The following LINGO2 variants were observed in gnomAD, a reference collection of about 807,000 sequenced individuals.
LINGO2 encodes the protein leucine rich repeat and Ig domain containing 2, also known as leucine-rich repeat and immunoglobulin-like domain-containing nogo receptor-interacting protein 2.
In LINGO2, 14 loss-of-function variants were observed where a neutral mutation model predicts 30.6. The observed-to-expected ratio is 0.46, with a 90% CI of 0.30 to 0.72. The LOEUF is 0.72. Ranked by LOEUF, LINGO2 falls within the 30% of genes least tolerant of loss-of-function variation. The pLI, the probability that LINGO2 is intolerant of heterozygous loss-of-function variation, is 0.07. For missense variants in LINGO2, 729 were observed against 751.7 expected (o/e 0.97, Z 0.35); for synonymous variants, 317 against 288.5 (o/e 1.10, Z -1.00).
chr9:28,642,650 G>T (rs1341350688), intron 1 of LINGO2, among the ~76,000 whole-genome samples: 1 of 152,050 alleles, frequency 6.6e-6, no homozygotes, highest in African/African-American at 2.4e-5. Flanking sequence ...AAAATGCATT[G>T]TGGAATGGGA....
intron 4 of LINGO2, among the ~76,000 whole-genome samples, chr9:28,286,655 T>C (rs1259400080): frequency 1.3e-5 from 2 of 152,206 alleles, no homozygotes; most frequent in Non-Finnish European, 2.9e-5. Context: ...TCATGTTCTT[T>C]GCAGGGACAT....
At chr9:29,066,316 C>A in the LINGO2 span, among the ~76,000 whole-genome samples, 583 of 151,928 alleles carry the variant, frequency 3.8e-3, 2 homozygotes, top group African/African-American at 0.013. Flanking sequence ...AAATTCTATT[C>A]CCTGTACTAA....
At chr9:29,110,750 G>T in the LINGO2 span, among the ~76,000 whole-genome samples, 1 of 146,850 alleles carries the variant, frequency 6.8e-6, no homozygotes, top group Non-Finnish European at 1.5e-5. Context: ...GAGTGCAGTG[G>T]TGCGATCTCG....
At chr9:28,615,477 T>C (rs1161250658) in intron 1 of LINGO2, among the ~76,000 whole-genome samples, 1 of 152,092 alleles carries the variant, frequency 6.6e-6, no homozygotes, top group Non-Finnish European at 1.5e-5. Context: ...GCCTGCACAT[T>C]CCCTGACACA....
At chr9:28,031,916 G>T (rs942599436) in intron 4 of LINGO2, among the ~76,000 whole-genome samples, 1 of 151,954 alleles carries the variant, frequency 6.6e-6, no homozygotes, top group Admixed American at 6.6e-5. Context: ...TCAATCTGGT[G>T]TATTATTGTG....
At chr9:28,343,768 A>G (rs1185945709) in intron 3 of LINGO2, among the ~76,000 whole-genome samples, 52 of 152,282 alleles carry the variant, frequency 3.4e-4, no homozygotes, top group Admixed American at 3.4e-3. Context: ...TTTCTATAGG[A>G]CACATATGAA....
intron 4 of LINGO2, among the ~76,000 whole-genome samples, chr9:28,258,179 A>T (rs2134034350): frequency 6.6e-6 from 1 of 152,022 alleles, no homozygotes; most frequent in South Asian, 2.1e-4. Context: ...GTTCATTTTA[A>T]ACCACTTCAC....
chr9:28,252,366 C>T (rs1309100127), intron 4 of LINGO2, among the ~76,000 whole-genome samples: 1 of 152,038 alleles, frequency 6.6e-6, no homozygotes, highest in Non-Finnish European at 1.5e-5. Context: ...GCTGGGACTA[C>T]AGGCACGCAT....
At chr9:28,128,389 A>G (rs1379133810) in intron 4 of LINGO2, among the ~76,000 whole-genome samples, 1 of 152,210 alleles carries the variant, frequency 6.6e-6, no homozygotes, top group East Asian at 1.9e-4. Context: ...TGTCATGAAA[A>G]GGCCAAACAG....
chr9:27,996,407 G>A (rs1420036402), intron 5 of LINGO2, among the ~76,000 whole-genome samples: 1 of 151,962 alleles, frequency 6.6e-6, no homozygotes, highest in Non-Finnish European at 1.5e-5. Context: ...TGGACAAATA[G>A]GTAAAAAATG....
At chr9:28,080,282 A>G (rs1481262795) in intron 4 of LINGO2, among the ~76,000 whole-genome samples, 1 of 152,172 alleles carries the variant, frequency 6.6e-6, no homozygotes, top group East Asian at 1.9e-4. Context: ...ACCATGGCAT[A>G]TGACCTCCTA....
intron 1 of LINGO2, among the ~76,000 whole-genome samples, chr9:28,479,397 G>T (rs1471598557): frequency 6.6e-6 from 1 of 151,702 alleles, no homozygotes; most frequent in Non-Finnish European, 1.5e-5. Flanking sequence ...CTTTATTAAA[G>T]GACAATATGC....
chr9:28,465,027 C>T (rs1825239862), intron 2 of LINGO2, among the ~76,000 whole-genome samples: 2 of 152,180 alleles, frequency 1.3e-5, no homozygotes, highest in Non-Finnish European at 2.9e-5. Context: ...CCCCCCGCCC[C>T]ACATACAGGC....
chr9:28,714,848 T>C, the LINGO2 span, among the ~76,000 whole-genome samples: 1 of 152,168 alleles, frequency 6.6e-6, no homozygotes, highest in Non-Finnish European at 1.5e-5. Context: ...TGTTTAGTTA[T>C]TATGTAGGTA....
At chr9:28,054,235 AC>A (rs1191162367) in intron 4 of LINGO2, among the ~76,000 whole-genome samples, 1 of 152,058 alleles carries the variant, frequency 6.6e-6, no homozygotes, top group Non-Finnish European at 1.5e-5. Context: ...AAATCCAAAG[AC>A]CTGGGAGCCC....
chr9:28,894,937 T>C, the LINGO2 span, among the ~76,000 whole-genome samples: 1 of 152,228 alleles, frequency 6.6e-6, no homozygotes, highest in East Asian at 1.9e-4. Context: ...AGCTATACAA[T>C]AGATGTAAAC....
At chr9:28,887,001 A>G in the LINGO2 span, among the ~76,000 whole-genome samples, 345 of 152,272 alleles carry the variant, frequency 2.3e-3, 4 homozygotes, top group African/African-American at 7.9e-3. Context: ...CAGTGGGTTG[A>G]CCACATTTCA....
chr9:28,768,662 CCTCT>C, the LINGO2 span, among the ~76,000 whole-genome samples: 8 of 143,272 alleles, frequency 5.6e-5, no homozygotes, highest in East Asian at 1.4e-3. Context: ...ACAGTCTCTC[CCTCT>C]CTCTCTCTCT....
the LINGO2 span, among the ~76,000 whole-genome samples, chr9:28,997,846 A>AACT: frequency 4.0e-5 from 1 of 24,836 alleles, no homozygotes; most frequent in African/African-American, 1.1e-4. Context: ...ACAAAACAAA[A>AACT]ACTAATAATA....
Sources: gnomAD v4.1 joint callset for allele counts (sites outside exome capture counted in the v4.1 genomes callset) on GRCh38, gnomAD v4.1.1 for gene constraint, MANE v1.5 for transcripts, NCBI Gene and HGNC (gene_info 2026-07-23, HGNC 2026-07-21) for gene names.